FZD6: variants seen among roughly 807,000 people sequenced by gnomAD.
FZD6 encodes frizzled-6.
Under a neutral mutation model 61.4 loss-of-function variants are expected in FZD6, and 49 were observed. The ratio of observed to expected loss-of-function variants is 0.80; its 90% confidence interval spans 0.63 to 1.01. The LOEUF (loss-of-function observed/expected upper bound fraction) is 1.01, where lower values mean the gene tolerates loss of function less well. Ranked by LOEUF, FZD6 falls within the 50% of genes least tolerant of loss-of-function variation. FZD6 has a pLI of 0.00. For missense variants in FZD6, 724 were observed against 848.2 expected (o/e 0.85, Z 1.82); for synonymous variants, 265 against 292.2 (o/e 0.91, Z 0.95).
chr8:103,310,046 G>T (rs1814449837), intron 2 of FZD6, among the ~76,000 whole-genome samples: 1 of 152,010 alleles, frequency 6.6e-6, no homozygotes, highest in Admixed American at 6.6e-5. Flanking sequence ...TTACAGAAAG[G>T]GTCTACCTTG....
At chr8:103,311,198 T>C (rs1053659026) in intron 2 of FZD6, among the ~76,000 whole-genome samples, 2 of 152,220 alleles carry the variant, frequency 1.3e-5, no homozygotes, top group Non-Finnish European at 2.9e-5. Context: ...TGGATGCTTA[T>C]TTGGCCACTG....
rs1815153217 is a variant in FZD6, at chr8:103,332,049, T to C, written c.*540T>C. Reference sequence around the variant, plus strand: ...ATTGTAAAATAGTCTTCTTTTATACTGTAAAAAAAGATATACCAAAAAGTC... The same window carrying C: ...ATTGTAAAATAGTCTTCTTTTATACCGTAAAAAAAGATATACCAAAAAGTC... On this transcript the variant is annotated 3_prime_UTR_variant, in exon 7 of 7. Transcript: ENST00000358755. 2 of 153,174 alleles carry C rather than the reference T, an allele frequency of 1.3e-5. No homozygotes were observed. 9.5% of individuals were successfully genotyped at this position (153,174 alleles called of 1,614,324 possible). A position where few individuals can be genotyped will look rare whatever the true frequency, so the allele number is the denominator to read the frequency against.
intron 2 of FZD6, among the ~76,000 whole-genome samples, chr8:103,318,018 C>T (rs1206544860): frequency 6.6e-6 from 1 of 152,016 alleles, no homozygotes; most frequent in African/African-American, 2.4e-5. Flanking sequence ...CATTAACAGC[C>T]AAATGGAGTT....
intron 4 of FZD6, 135 bp downstream of exon 4, chr8:103,325,633 A>G: frequency 1.3e-6 from 1 of 742,950 alleles, no homozygotes; most frequent in South Asian, 1.5e-5. Context: ...GATTTCCTAT[A>G]CATCAACTGA....
At chr8:103,321,805 T>C (rs1459442450) in intron 3 of FZD6, among the ~76,000 whole-genome samples, 1 of 152,230 alleles carries the variant, frequency 6.6e-6, no homozygotes, top group Non-Finnish European at 1.5e-5. Flanking sequence ...TGCCAATAGA[T>C]GAATCCCACT....
chr8:103,332,387 C>T lies in FZD6; in HGVS notation c.*878C>T, dbSNP rs1468434623. The T allele has an allele frequency of 6.6e-6, 1 of 152,026 alleles. No individual in the cohort carries two copies. The highest frequency in any genetic ancestry group is 2.4e-5 in the African/African-American group (1 of 41,400). 9.4% of individuals were successfully genotyped at this position (152,026 alleles called of 1,614,324 possible). On this transcript the variant is annotated 3_prime_UTR_variant, in exon 7 of 7. Coordinates refer to ENST00000358755, the MANE Select transcript of FZD6 (RefSeq NM_003506.4). ...ATTGTATTATAACCACTTACAGTTG[C>T]TTATATTTTTTGTTTTAACTTTTGT...
At position 103,329,614 on chromosome 8, in the gene FZD6, C is replaced by A. The variant is rs747524060; in HGVS notation, c.1542-41C>A. 4.1e-6 allele frequency: 6 copies of A among 1,469,000 alleles called. No individual in the cohort carries two copies. The Admixed American group carries it at 8.4e-5, about 21-fold the overall frequency. The allele number at this position is 1,469,000 out of a possible 1,614,324, so 91.0% of individuals were successfully genotyped here. A position where few individuals can be genotyped will look rare whatever the true frequency, so the allele number is the denominator to read the frequency against. On this transcript the variant is annotated intron_variant, in intron 5 of 6. Transcript: ENST00000358755. ...TTATATCCTCTACTTTATAGCCACA[C>A]TTCTAATTTGAGTAAATCCTCTCCT...
chr8:103,300,983 A>G (rs1814152792), intron 2 of FZD6, among the ~76,000 whole-genome samples: 1 of 152,150 alleles, frequency 6.6e-6, no homozygotes. Flanking sequence ...CTGCCTTCCC[A>G]TACAGATTTG....
In FZD6 at chr8:103,300,032, C is replaced by T; in HGVS notation, c.-76C>T. On this transcript the variant is annotated 5_prime_UTR_variant, in exon 2 of 7. Coordinates refer to ENST00000358755, the MANE Select transcript of FZD6 (RefSeq NM_003506.4). ...GAAATGAGGAATTTGAACATTTTAT[C>T]TTTGGATGGGGATCTTCTGAGGATG... 2.2e-6 allele frequency: 2 copies of T among 902,196 alleles called. No homozygotes were observed. Among genetic ancestry groups the T allele is most frequent in the Admixed American group, 3.6e-5 (2 of 55,936 alleles). 55.9% of individuals were successfully genotyped at this position (902,196 alleles called of 1,614,324 possible).
At chr8:103,327,629 TA>T (rs1341772536) in intron 4 of FZD6, among the ~76,000 whole-genome samples, 1 of 151,774 alleles carries the variant, frequency 6.6e-6, no homozygotes, top group Non-Finnish European at 1.5e-5. Context: ...ATAAAAGAAA[TA>T]AAGAGCTCTA....
chr8:103,307,902 A>G (rs1402152134), intron 2 of FZD6: 2 of 456,118 alleles, frequency 4.4e-6, no homozygotes, highest in Admixed American at 2.3e-5. Flanking sequence ...TTGGGAACTT[A>G]TAAGCAAGGG....
At position 103,330,057 on chromosome 8, in the gene FZD6, T is replaced by G; in HGVS notation, c.1944T>G (p.Ser648Arg). The G allele has an allele frequency of 6.2e-7, 1 of 1,613,098 alleles. No homozygotes were observed. Among genetic ancestry groups the G allele is most frequent in the Non-Finnish European group, 8.5e-7 (1 of 1,179,276 alleles). ...QAGSVSESAR[S>R]EGRISPKSDI... The stretch of plus-strand genomic sequence containing the variant: ...GCAGTGTATCTGAAAGTGCGCGGAG[T>G]GAAGGAAGGTGAGATTTGATTTTAT... The change falls in exon 6 of 7, where the codon AGT (serine) becomes AGG (arginine). Residue 648 changes from serine (S) to arginine (R), a missense_variant. Coordinates refer to ENST00000358755, the MANE Select transcript of FZD6 (RefSeq NM_003506.4).
intron 2 of FZD6, among the ~76,000 whole-genome samples, chr8:103,314,893 G>A (rs1814587570): frequency 6.6e-6 from 1 of 152,146 alleles, no homozygotes; most frequent in African/African-American, 2.4e-5. Flanking sequence ...TTTTTAAGGT[G>A]TATACAGTGC....
intron 3 of FZD6, 94 bp from the exon 4 acceptor site, chr8:103,324,387 A>G (rs1383988063): frequency 1.4e-6 from 1 of 695,220 alleles, no homozygotes; most frequent in Non-Finnish European, 2.4e-6. Flanking sequence ...TCATGAATAC[A>G]TAAGGTAATA....
rs965785669 is a variant in FZD6 at position 103,332,200 on chromosome 8, C to T, written c.*691C>T. ...TTATGTAACTGAAATAAGGTGCTTA[C>T]TCAAAGAGTGTCCACTATTGATTGT... On this transcript the variant is annotated 3_prime_UTR_variant, in exon 7 of 7. Coordinates refer to ENST00000358755, the MANE Select transcript of FZD6 (RefSeq NM_003506.4). The T allele has an allele frequency of 1.3e-5, 2 of 152,558 alleles. No individual in the cohort carries two copies. Among genetic ancestry groups the T allele is most frequent in the Admixed American group, 1.3e-4 (2 of 15,300 alleles). The allele number at this position is 152,558 out of a possible 1,614,324, so 9.5% of individuals were successfully genotyped here.
At chr8:103,301,324 A>T (rs1244611245) in intron 2 of FZD6, among the ~76,000 whole-genome samples, 1 of 152,092 alleles carries the variant, frequency 6.6e-6, no homozygotes, top group Non-Finnish European at 1.5e-5. Context: ...TTTTTTTCAA[A>T]CTGATGCTAG....
chr8:103,331,209 A>G (rs1299520975), intron 6 of FZD6, 132 bp from the exon 7 acceptor site: 1 of 760,572 alleles, frequency 1.3e-6, no homozygotes, highest in African/African-American at 1.7e-5. Context: ...GAAGTGTTAA[A>G]GTACACCTGA....
chr8:103,322,754 A>G (rs1380802195), intron 3 of FZD6, among the ~76,000 whole-genome samples: 1 of 152,224 alleles, frequency 6.6e-6, no homozygotes, highest in Non-Finnish European at 1.5e-5. Flanking sequence ...CTTCTGGTAG[A>G]TACATAATCA....
chr8:103,313,232 G>A (rs1399680810), intron 2 of FZD6, among the ~76,000 whole-genome samples: 1 of 152,172 alleles, frequency 6.6e-6, no homozygotes, highest in Non-Finnish European at 1.5e-5. Context: ...CCTGGTTTAT[G>A]GTAAGTACCA....
Sources: gnomAD v4.1 joint callset for allele counts (sites outside exome capture counted in the v4.1 genomes callset) on GRCh38, gnomAD v4.1.1 for gene constraint, MANE v1.5 for transcripts, NCBI Gene and HGNC (gene_info 2026-07-23, HGNC 2026-07-21) for gene names.